Variants in TAMM41 observed in about 807,000 individuals in gnomAD.
TAMM41 encodes the protein TAM41 mitochondrial translocator assembly and maintenance homolog.
A neutral mutation model predicts 44.1 loss-of-function variants in TAMM41; 36 were observed. The observed-to-expected ratio is 0.82, with a 90% CI of 0.63 to 1.08. TAMM41 has a LOEUF of 1.08. TAMM41 is among the 50% of genes least tolerant of loss of function. TAMM41 has a pLI of 0.00. For synonymous variants in TAMM41, 164 were observed against 153.1 expected, an observed-to-expected ratio of 1.07 and a Z score of -0.53; for missense variants, 417 against 404.3, an observed-to-expected ratio of 1.03 and a Z score of -0.27.
At chr3:11,793,820 G>A (rs917155291) in intron 7 of TAMM41, among the ~76,000 whole-genome samples, 3 of 152,192 alleles carry the variant, frequency 2.0e-5, no homozygotes, top group African/African-American at 7.2e-5. Flanking sequence ...CAATGCCTGT[G>A]ACGGGCATGA....
At chr3:11,836,405 TA>T (rs1308494519) in intron 3 of TAMM41, among the ~76,000 whole-genome samples, 1 of 152,254 alleles carries the variant, frequency 6.6e-6, no homozygotes, top group Non-Finnish European at 1.5e-5. Context: ...CAGGACTGAA[TA>T]TGACTCAAGG....
chr3:11,816,270 T>C (rs2078273764), intron 5 of TAMM41, among the ~76,000 whole-genome samples: 2 of 151,568 alleles, frequency 1.3e-5, no homozygotes, highest in Admixed American at 1.3e-4. Flanking sequence ...AACAAACACT[T>C]AATATTAATT....
the TAMM41 span, among the ~76,000 whole-genome samples, chr3:11,754,611 C>T: frequency 0.24 from 35,805 of 151,740 alleles, 4,337 homozygotes; most frequent in Non-Finnish European, 0.28. Context: ...TTAAAAGATC[C>T]TCCTGCCTTG....
chr3:11,749,231 C>T, the TAMM41 span, among the ~76,000 whole-genome samples: 525 of 152,210 alleles, frequency 3.4e-3, 3 homozygotes, highest in African/African-American at 0.012. Flanking sequence ...ATTTTTATTG[C>T]ACTCGTGTTT....
chr3:11,842,651 G>GCCA (rs2079504157), intron 2 of TAMM41, among the ~76,000 whole-genome samples: 1 of 152,010 alleles, frequency 6.6e-6, no homozygotes, highest in Non-Finnish European at 1.5e-5. Flanking sequence ...CGGAGATGGT[G>GCCA]CCACTGCATT....
the TAMM41 span, among the ~76,000 whole-genome samples, chr3:11,765,614 A>T: frequency 6.6e-6 from 1 of 152,150 alleles, no homozygotes. Context: ...ATTGAGTTGC[A>T]GCTATTTGAT....
the TAMM41 span, among the ~76,000 whole-genome samples, chr3:11,736,676 A>T: frequency 6.6e-6 from 1 of 152,120 alleles, no homozygotes; most frequent in Non-Finnish European, 1.5e-5. Flanking sequence ...TGTGGGCAGG[A>T]CTTCAGAGTG....
At chr3:11,805,039 C>T (rs1288390830) in intron 7 of TAMM41, among the ~76,000 whole-genome samples, 7 of 138,234 alleles carry the variant, frequency 5.1e-5, no homozygotes, top group Admixed American at 3.0e-4. Flanking sequence ...CGAAGTCTCA[C>T]TCTCGCCCAG....
At chr3:11,795,312 C>T (rs1192498619) in intron 7 of TAMM41, among the ~76,000 whole-genome samples, 2 of 152,202 alleles carry the variant, frequency 1.3e-5, no homozygotes, top group Admixed American at 1.3e-4. Context: ...CAACCTCCCC[C>T]TCTGCTCAGG....
At chr3:11,832,472 A>G (rs952002757) in intron 3 of TAMM41, among the ~76,000 whole-genome samples, 2 of 152,210 alleles carry the variant, frequency 1.3e-5, no homozygotes, top group African/African-American at 4.8e-5. Flanking sequence ...AGGCCATTTT[A>G]TATCAGAGAC....
Position 11,843,562 on chromosome 3 carries a change from C to A in TAMM41, c.318+467G>T, listed in dbSNP as rs186610945. 4.7e-3 allele frequency: 721 copies of A among 153,226 alleles called. 7 individuals carry two copies. The highest frequency in any genetic ancestry group is 0.017 in the African/African-American group (695 of 41,464). 9.5% of individuals were successfully genotyped at this position (153,226 alleles called of 1,614,324 possible). ...GACCAGCCTGGCCAACATGGTGAAACCCTGTCTCTCCTACAAGGTGGCACA... is the reference window on the plus strand; with the variant it reads ...GACCAGCCTGGCCAACATGGTGAAAACCTGTCTCTCCTACAAGGTGGCACA... On this transcript the variant is annotated intron_variant, in intron 2 of 7. Coordinates refer to ENST00000455809, the MANE Select transcript of TAMM41 (RefSeq NM_001284401.2).
In TAMM41 at chr3:11,790,445, T is replaced by G; in HGVS notation, c.*60A>C. The stretch of plus-strand genomic sequence containing the variant: ...TGGGTCAAAGTAACAAACACTGTTC[T>G]GTCAAAAAGGATCAAACACTTTATT... On this transcript the variant is annotated 3_prime_UTR_variant, in exon 8 of 8. Transcript: ENST00000455809. The G allele has an allele frequency of 7.0e-7, 1 of 1,438,408 alleles. No homozygotes were observed. Among genetic ancestry groups the G allele is most frequent in the Non-Finnish European group, 9.8e-7 (1 of 1,025,250 alleles). 89.1% of individuals were successfully genotyped at this position (1,438,408 alleles called of 1,614,324 possible).
the TAMM41 span, among the ~76,000 whole-genome samples, chr3:11,755,637 T>C: frequency 6.6e-6 from 1 of 152,186 alleles, no homozygotes. Context: ...TCACGTGCCC[T>C]TGGTCATGAC....
chr3:11,722,022 C>G, the TAMM41 span: 2 of 152,034 alleles, frequency 1.3e-5, no homozygotes, highest in Non-Finnish European at 2.9e-5. Context: ...TAAAAATGGC[C>G]CAAGGTTTAC....
intron 4 of TAMM41, among the ~76,000 whole-genome samples, chr3:11,819,020 A>G (rs901753854): frequency 5.9e-5 from 9 of 152,106 alleles, no homozygotes; most frequent in African/African-American, 2.2e-4. Context: ...TCAAATATGG[A>G]TGAACTTGTT....
the TAMM41 span, among the ~76,000 whole-genome samples, chr3:11,773,575 C>T: frequency 6.6e-6 from 1 of 152,112 alleles, no homozygotes. Flanking sequence ...AACATCCAGA[C>T]CTGTTGGCAA....
At chr3:11,724,640 T>A in the TAMM41 span, among the ~76,000 whole-genome samples, 1 of 151,866 alleles carries the variant, frequency 6.6e-6, no homozygotes, top group Non-Finnish European at 1.5e-5. Context: ...GGTCTCGAAC[T>A]CCTGACCTCA....
chr3:11,841,871 CCT>C (rs1339345412), intron 2 of TAMM41, among the ~76,000 whole-genome samples: 1 of 152,192 alleles, frequency 6.6e-6, no homozygotes, highest in African/African-American at 2.4e-5. Context: ...GAAGTCATTT[CCT>C]CTCTCTGAAC....
At chr3:11,747,810 G>T in the TAMM41 span, among the ~76,000 whole-genome samples, 2 of 151,088 alleles carry the variant, frequency 1.3e-5, no homozygotes, top group African/African-American at 4.8e-5. Context: ...CAATAAAGTT[G>T]AAAAATATTA....
Sources: allele counts gnomAD v4.1 joint callset (sites outside exome capture counted in the v4.1 genomes callset), GRCh38; gene constraint gnomAD v4.1.1; transcripts MANE v1.5; gene names NCBI Gene and HGNC (gene_info 2026-07-23, HGNC 2026-07-21).